SGIP1: variants seen among roughly 807,000 people sequenced by gnomAD.
The protein encoded by SGIP1 is SH3GL interacting endocytic adaptor 1, also known as SH3-containing GRB2-like protein 3-interacting protein 1.
A neutral mutation model predicts 107.5 loss-of-function variants in SGIP1; 38 were observed. The ratio of observed to expected loss-of-function variants is 0.35; its 90% CI spans 0.27 to 0.46. SGIP1 has a LOEUF of 0.46. Among genes scored for constraint, SGIP1 ranks in the 20% least tolerant of loss-of-function variants. The pLI is 1.00. For missense variants in SGIP1, 929 were observed against 1,019.5 expected (o/e 0.91, Z 1.21); for synonymous variants, 365 against 366.1 (o/e 1.00, Z 0.03).
In SGIP1 at chr1:66,682,351, G is replaced by C; in HGVS notation, c.1297G>C (p.Gly433Arg). ...GTCCCCCGGACCTGGCTCGGGCCCT[G>C]GTCCGGGGACCACCAGTGGTATGTC... ...VSSPGPGSGP[G>R]PGTTSGASSP... is the part of the protein sequence containing the mutation. Residue 433 changes from glycine to arginine, a missense_variant, in exon 15 of 25, where the codon GGT becomes CGT. Coordinates refer to ENST00000371037, the MANE Select transcript of SGIP1 (RefSeq NM_032291.4). The C allele has an allele frequency of 6.2e-7, 1 of 1,611,580 alleles. No homozygotes were observed. Among genetic ancestry groups the C allele is most frequent in the Non-Finnish European group, 8.5e-7 (1 of 1,179,352 alleles).
intron 1 of SGIP1, among the ~76,000 whole-genome samples, chr1:66,569,882 A>G (rs12731112): frequency 0.15 from 23,375 of 151,788 alleles, 2,346 homozygotes; most frequent in East Asian, 0.45. Flanking sequence ...GTTATCAACT[A>G]TTGATTCAAT....
intron 2 of SGIP1, among the ~76,000 whole-genome samples, chr1:66,627,290 G>C (rs1187545151): frequency 2.0e-5 from 3 of 152,140 alleles, no homozygotes; most frequent in Non-Finnish European, 4.4e-5. Context: ...CCTTCAAGAA[G>C]ATGAGGATGT....
At chr1:66,674,002 C>A (rs986698084) in intron 12 of SGIP1, among the ~76,000 whole-genome samples, 1 of 151,742 alleles carries the variant, frequency 6.6e-6, no homozygotes, top group Non-Finnish European at 1.5e-5. Context: ...CCCATCTCTA[C>A]AAAAAAATTT....
At chr1:66,568,118 G>C (rs1220483604) in intron 1 of SGIP1, among the ~76,000 whole-genome samples, 1 of 152,076 alleles carries the variant, frequency 6.6e-6, no homozygotes, top group Non-Finnish European at 1.5e-5. Context: ...TCACAATATT[G>C]ATTCTTCCTA....
At chr1:66,539,386 GT>G (rs2054357269) in intron 1 of SGIP1, among the ~76,000 whole-genome samples, 1 of 152,190 alleles carries the variant, frequency 6.6e-6, no homozygotes, top group Admixed American at 6.5e-5. Flanking sequence ...GACTGGGGAA[GT>G]GTATTTAGAC....
At position 66,740,572 on chromosome 1, in the gene SGIP1, A is replaced by G; in HGVS notation, c.2235-86A>G. 5 of 819,298 alleles carry G rather than the reference A, an allele frequency of 6.1e-6. No individual in the cohort carries two copies. The East Asian group carries it at 1.3e-4, about 21-fold the overall frequency. 50.8% of individuals were successfully genotyped at this position (819,298 alleles called of 1,614,324 possible). A position where few individuals can be genotyped will look rare whatever the true frequency, so the allele number is the denominator to read the frequency against. ...AAGTTTTCAAGCTCTATTTTAAAAA[A>G]TTAATACTATCTGGAAAAAAAACAT... On this transcript the variant is annotated intron_variant, in intron 22 of 24. Coordinates refer to ENST00000371037, the MANE Select transcript of SGIP1 (RefSeq NM_032291.4).
chr1:66,680,956 T>C (rs11208946), intron 14 of SGIP1, among the ~76,000 whole-genome samples: 21,309 of 152,216 alleles, frequency 0.14, 1,584 homozygotes, highest in Admixed American at 0.19. Context: ...ATTCTTAATT[T>C]TTTCTCTTAT....
chr1:66,591,102 G>A (rs1399210424), intron 1 of SGIP1, among the ~76,000 whole-genome samples: 2 of 152,158 alleles, frequency 1.3e-5, no homozygotes, highest in Non-Finnish European at 2.9e-5. Context: ...TGACTTTTCT[G>A]TACAGTTGAG....
chr1:66,539,640 A>G (rs894228724), intron 1 of SGIP1, among the ~76,000 whole-genome samples: 2 of 152,096 alleles, frequency 1.3e-5, no homozygotes, highest in African/African-American at 4.8e-5. Context: ...CTTCACTCAC[A>G]CTGAAAGCCA....
chr1:66,572,985 T>C (rs80133830), intron 1 of SGIP1, among the ~76,000 whole-genome samples: 3 of 152,018 alleles, frequency 2.0e-5, no homozygotes, highest in Non-Finnish European at 2.9e-5. Flanking sequence ...ATTCCACTTA[T>C]AGTAAATGTC....
chr1:66,683,976 C>T (rs907693492), intron 15 of SGIP1: 2 of 1,383,224 alleles, frequency 1.4e-6, no homozygotes, highest in South Asian at 1.5e-5. Flanking sequence ...CTCAGCCTCC[C>T]AAAGTGCTGG....
At chr1:66,693,460 T>C (rs781431403) in intron 17 of SGIP1, among the ~76,000 whole-genome samples, 33 of 152,278 alleles carry the variant, frequency 2.2e-4, no homozygotes, top group Non-Finnish European at 4.1e-4. Flanking sequence ...AGGAATATTA[T>C]CATTAAATTG....
At chr1:66,687,223 C>T (rs965278715) in intron 15 of SGIP1, among the ~76,000 whole-genome samples, 4 of 151,360 alleles carry the variant, frequency 2.6e-5, no homozygotes, top group Non-Finnish European at 5.9e-5. Context: ...AACAGACCTA[C>T]AGATAGACAT....
chr1:66,690,264 T>G lies in SGIP1; in HGVS notation c.1518T>G (p.Thr506=), dbSNP rs2089525899. The change falls in exon 17 of 25, where the codon ACT becomes ACG. Residue 506 remains threonine, a synonymous_variant. Transcript: ENST00000371037. ...PIAPLARAES[T]SSISSTNSLS... ...CACCCTTAGCGCGGGCTGAAAGCAC[T>G]TCTTCAATATCGTCAACCAATTCCT... 3.1e-6 allele frequency: 5 copies of G among 1,614,204 alleles called. No homozygotes were observed. The highest frequency in any genetic ancestry group is 3.4e-6 in the Non-Finnish European group (4 of 1,180,030).
At chr1:66,730,695 T>C (rs1021312498) in intron 20 of SGIP1, among the ~76,000 whole-genome samples, 19 of 152,190 alleles carry the variant, frequency 1.2e-4, no homozygotes, top group Non-Finnish European at 1.8e-4. Flanking sequence ...CCTGTTACCA[T>C]TGCCTTTGAG....
chr1:66,660,572 G>T lies in SGIP1; in HGVS notation c.471+48G>T, dbSNP rs1477374625. 6.4e-6 allele frequency: 10 copies of T among 1,555,710 alleles called. No individual in the cohort carries two copies. The East Asian group carries it at 2.2e-4, about 35-fold the overall frequency. ...TTTTGGGGCAAACATTATTTATTCT[G>T]TTTATTTTCATTATCTGCATATCTA... On this transcript the variant is annotated intron_variant, in intron 8 of 24. Transcript: ENST00000371037.
In SGIP1 at chr1:66,748,441, ACCTCTT is replaced by A. The variant is rs2094582289; in HGVS notation, c.*5347_*5352del. On this transcript the variant is annotated 3_prime_UTR_variant, in exon 25 of 25. Coordinates refer to ENST00000371037, the MANE Select transcript of SGIP1 (RefSeq NM_032291.4). Reference sequence around the variant, plus strand: ...AAGTCTGTTGAGTTGACCATGGTGAACCTCTTGATTGGCCCTCACATTTAATATCTG... The same window carrying A: ...AAGTCTGTTGAGTTGACCATGGTGAAGATTGGCCCTCACATTTAATATCTG... 2.6e-5 allele frequency: 4 copies of A among 151,902 alleles called. No homozygotes were observed. The highest frequency in any genetic ancestry group is 2.6e-4 in the Admixed American group (4 of 15,258). 9.4% of individuals were successfully genotyped at this position (151,902 alleles called of 1,614,324 possible).
At chr1:66,739,974 C>G (rs1267650948) in intron 22 of SGIP1, among the ~76,000 whole-genome samples, 1 of 152,206 alleles carries the variant, frequency 6.6e-6, no homozygotes, top group Non-Finnish European at 1.5e-5. Context: ...AGAAGATCCC[C>G]ACATCTGAGT....
At chr1:66,726,641 A>T (rs2093770580) in intron 19 of SGIP1, among the ~76,000 whole-genome samples, 1 of 152,242 alleles carries the variant, frequency 6.6e-6, no homozygotes, top group Non-Finnish European at 1.5e-5. Context: ...TGGAGAAAGG[A>T]CAGTCTTCTC....
Sources: gnomAD v4.1 joint callset for allele counts (sites outside exome capture counted in the v4.1 genomes callset) on GRCh38, gnomAD v4.1.1 for gene constraint, MANE v1.5 for transcripts, NCBI Gene and HGNC (gene_info 2026-07-23, HGNC 2026-07-21) for gene names.